JARID2: variants seen among roughly 807,000 people sequenced by gnomAD.
JARID2 encodes protein Jumonji.
In JARID2, 21 loss-of-function variants were observed where a neutral mutation model predicts 125.6. The observed-to-expected ratio is 0.17, with a 90% CI of 0.12 to 0.24. The LOEUF (loss-of-function observed/expected upper bound fraction) is 0.24, where lower values mean the gene tolerates loss of function less well. Ranked by LOEUF, JARID2 falls within the 10% of genes least tolerant of loss-of-function variation. JARID2 has a pLI of 1.00. For missense variants in JARID2, 1,303 were observed against 1,639.6 expected (o/e 0.79, Z 3.55); for synonymous variants, 736 against 661.6 (o/e 1.11, Z -1.73).
At chr6:15,481,917 C>T (rs753166621) in intron 5 of JARID2, among the ~76,000 whole-genome samples, 12 of 152,188 alleles carry the variant, frequency 7.9e-5, no homozygotes, top group Admixed American at 3.9e-4. Context: ...TTTCACCTGC[C>T]TCCCTCTCGT....
chr6:15,383,676 C>T (rs909619886), intron 2 of JARID2, among the ~76,000 whole-genome samples: 1 of 152,232 alleles, frequency 6.6e-6, no homozygotes, highest in South Asian at 2.1e-4. Context: ...TTATCAAGGT[C>T]AGTAATGATT....
chr6:15,357,872 C>A (rs138936998), intron 1 of JARID2, among the ~76,000 whole-genome samples: 1 of 152,180 alleles, frequency 6.6e-6, no homozygotes, highest in Non-Finnish European at 1.5e-5. Flanking sequence ...GTTTAAACAT[C>A]TTCCAGATGT....
chr6:15,314,206 T>G (rs1187261316), intron 1 of JARID2, among the ~76,000 whole-genome samples: 1 of 152,234 alleles, frequency 6.6e-6, no homozygotes, highest in Non-Finnish European at 1.5e-5. Context: ...TTTCCCCCAC[T>G]CCTGTGGTCT....
At chr6:15,514,710 G>A (rs1274235952) in intron 16 of JARID2, among the ~76,000 whole-genome samples, 1 of 152,144 alleles carries the variant, frequency 6.6e-6, no homozygotes, top group East Asian at 1.9e-4. Context: ...CTTACCTAAG[G>A]ACGCAAATCA....
rs1402952458 is a variant in JARID2, at chr6:15,470,403, G to C, written c.670+1685G>C. On this transcript the variant is annotated intron_variant, in intron 5 of 17. Transcript: ENST00000341776. The stretch of plus-strand genomic sequence containing the variant: ...GGAGAGCTGCTCATTTTTCTCCTTG[G>C]TGCCTATGCACTGAGCTACCATTTG... Among the ~76,000 whole-genome samples the C allele has an allele frequency of 1.1e-4, 16 of 152,134 alleles. 1 individual carries two copies. Among genetic ancestry groups the C allele is most frequent in the Admixed American group, 1.0e-3 (16 of 15,278 alleles).
chr6:15,461,110 G>A (rs966533893), intron 4 of JARID2, among the ~76,000 whole-genome samples: 6 of 152,226 alleles, frequency 3.9e-5, no homozygotes, highest in African/African-American at 1.4e-4. Flanking sequence ...TCTATATTCA[G>A]TGAGATGAAG....
At chr6:15,381,791 T>TA in intron 2 of JARID2, among the ~76,000 whole-genome samples, 1 of 152,346 alleles carries the variant, frequency 6.6e-6, no homozygotes, top group Non-Finnish European at 1.5e-5. Context: ...GGTCAAGTCC[T>TA]AATACCTTAT....
At chr6:15,464,358 A>G (rs1023059122) in intron 4 of JARID2, among the ~76,000 whole-genome samples, 2 of 152,152 alleles carry the variant, frequency 1.3e-5, no homozygotes, top group African/African-American at 2.4e-5. Flanking sequence ...ATTCTTTTGT[A>G]CCTACTTCTG....
At chr6:15,413,087 TCGGCTCA>T (rs1408645717) in intron 3 of JARID2, among the ~76,000 whole-genome samples, 2 of 139,536 alleles carry the variant, frequency 1.4e-5, no homozygotes, top group East Asian at 4.8e-4. Context: ...TGGTGCGATC[TCGGCTCA>T]CCGCAACCTC....
At chr6:15,352,513 T>C (rs1763465089) in intron 1 of JARID2, among the ~76,000 whole-genome samples, 1 of 152,192 alleles carries the variant, frequency 6.6e-6, no homozygotes, top group African/African-American at 2.4e-5. Context: ...AAGCATGGCC[T>C]GGGAGGTCTA....
At chr6:15,276,292 A>C (rs1345927028) in intron 1 of JARID2, among the ~76,000 whole-genome samples, 1 of 152,210 alleles carries the variant, frequency 6.6e-6, no homozygotes, top group East Asian at 1.9e-4. Context: ...CAAATCCATC[A>C]GATTCTGCAT....
chr6:15,452,221 G>A (rs780061587), intron 4 of JARID2, 46 bp downstream of exon 4: 1 of 1,605,504 alleles, frequency 6.2e-7, no homozygotes, highest in Non-Finnish European at 8.5e-7. Context: ...GAATCTACAT[G>A]TAAGCCTGAG....
At chr6:15,513,202 G>A (rs369805677) in intron 15 of JARID2, 37 bp from the exon 16 acceptor site, 127 of 1,553,020 alleles carry the variant, frequency 8.2e-5, no homozygotes, top group African/African-American at 5.0e-4. Context: ...ATGGCAGGCC[G>A]TCACTAAAGG....
chr6:15,390,747 A>T (rs1443193638), intron 2 of JARID2, among the ~76,000 whole-genome samples: 2 of 152,090 alleles, frequency 1.3e-5, no homozygotes, highest in African/African-American at 2.4e-5. Flanking sequence ...CCTGGAGAGA[A>T]TGGCTGGGCA....
At chr6:15,254,319 T>C (rs1332740835) in intron 1 of JARID2, among the ~76,000 whole-genome samples, 1 of 152,170 alleles carries the variant, frequency 6.6e-6, no homozygotes, top group African/African-American at 2.4e-5. Context: ...CAGGAACCAG[T>C]TTGATTTCCC....
chr6:15,252,184 A>G (rs1343353423), intron 1 of JARID2, among the ~76,000 whole-genome samples: 2 of 152,348 alleles, frequency 1.3e-5, no homozygotes, highest in East Asian at 3.9e-4. Flanking sequence ...TCAAAACAGC[A>G]TAATGTAGAA....
intron 3 of JARID2, among the ~76,000 whole-genome samples, chr6:15,439,639 A>G (rs956274983): frequency 1.3e-5 from 2 of 152,238 alleles, no homozygotes; most frequent in African/African-American, 4.8e-5. Context: ...GCCCTTCAGA[A>G]TTACACACAG....
intron 1 of JARID2, chr6:15,248,745 G>A (rs1029900945): frequency 1.5e-4 from 27 of 185,226 alleles, no homozygotes; most frequent in Non-Finnish European, 2.6e-4. Flanking sequence ...TTGTCATTGT[G>A]ACGTCACAAA....
chr6:15,468,521 C>T (rs1768856977), intron 4 of JARID2, 21 bp from the exon 5 acceptor site: 2 of 1,603,220 alleles, frequency 1.2e-6, no homozygotes, highest in East Asian at 2.2e-5. Flanking sequence ...TGTTTATGAG[C>T]TGTTTTTCTT....
Sources: allele counts gnomAD v4.1 joint callset (sites outside exome capture counted in the v4.1 genomes callset), GRCh38; gene constraint gnomAD v4.1.1; transcripts MANE v1.5; gene names NCBI Gene and HGNC (gene_info 2026-07-23, HGNC 2026-07-21).